TEAD4: variants seen among roughly 807,000 people sequenced by gnomAD.
TEAD4 encodes the protein TEA domain transcription factor 4.
In TEAD4, 36 loss-of-function variants were observed where a neutral mutation model predicts 52.4. The observed-to-expected ratio is 0.69, with a 90% CI of 0.53 to 0.91. The LOEUF (loss-of-function observed/expected upper bound fraction) is 0.91. Ranked by LOEUF, TEAD4 falls within the 40% of genes least tolerant of loss-of-function variation. The probability of loss-of-function intolerance (pLI) is 0.00; values close to 1 mark genes in which losing one functional copy is unlikely to be tolerated. For synonymous variants in TEAD4, 220 were observed against 231.0 expected (o/e 0.95, Z 0.43); for missense variants, 508 against 583.9 (o/e 0.87, Z 1.34).
intron 2 of TEAD4, among the ~76,000 whole-genome samples, chr12:2,990,495 G>T (rs1400987152): frequency 1.2e-5 from 1 of 86,578 alleles, no homozygotes; most frequent in Non-Finnish European, 1.9e-5. Context: ...TTTTGAGATG[G>T]AGTCTCTGTT....
Position 3,019,140 on chromosome 12 carries a change from T to G in TEAD4, c.553T>G (p.Tyr185Asp), listed in dbSNP as rs754439456. Residue 185 changes from tyrosine (Y) to aspartate (D), a missense_variant, in exon 8 of 13, where the codon TAT becomes GAT. By Grantham distance (160) the Tyr-to-Asp change is radical (BLOSUM62 -3). Coordinates refer to ENST00000359864, the MANE Select transcript of TEAD4 (RefSeq NM_003213.4). Reference sequence around the variant, plus strand: ...TGTGAAGCCTTTCTCTCAGCAAACCTATGCTGTCCAGCCTCCGCTGCCTCT... The same window carrying G: ...TGTGAAGCCTTTCTCTCAGCAAACCGATGCTGTCCAGCCTCCGCTGCCTCT... The G allele has an allele frequency of 6.2e-7, 1 of 1,614,058 alleles. No individual in the cohort carries two copies. Among genetic ancestry groups the G allele is most frequent in the East Asian group, 2.2e-5 (1 of 44,874 alleles).
intron 10 of TEAD4, among the ~76,000 whole-genome samples, chr12:3,024,297 C>T (rs185883262): frequency 3.3e-5 from 5 of 152,132 alleles, no homozygotes; most frequent in East Asian, 3.9e-4. Flanking sequence ...AGGATGGTCT[C>T]GATCTCCTGA....
chr12:2,964,694 A>T (rs1188550390), intron 2 of TEAD4, among the ~76,000 whole-genome samples: 1 of 149,748 alleles, frequency 6.7e-6, no homozygotes, highest in Admixed American at 6.7e-5. Flanking sequence ...CTGGTCTCGA[A>T]CTCCCAACCT....
Position 2,959,448 on chromosome 12 carries a change from G to A in TEAD4, c.-156G>A, listed in dbSNP as rs547262712. On this transcript the variant is annotated 5_prime_UTR_variant, in exon 1 of 13. Coordinates refer to ENST00000359864, the MANE Select transcript of TEAD4 (RefSeq NM_003213.4). The surrounding 1 kb of genome is among the most constrained non-coding windows in gnomAD (Gnocchi z 5.1). ...GCACACTCGAGGCCAGGGGGCGGGA[G>A]GGCCGCAGCTCCGGCGCCGCCGCGT... is the stretch of plus-strand genomic sequence containing the variant. 127 of 146,884 alleles carry A rather than the reference G, an allele frequency of 8.6e-4. 1 individual carries two copies. The South Asian group carries it at 0.024, about 28-fold the overall frequency. The allele number at this position is 146,884 out of a possible 1,614,324, so 9.1% of individuals were successfully genotyped here.
intron 10 of TEAD4, among the ~76,000 whole-genome samples, chr12:3,032,041 A>G (rs74054840): frequency 0.031 from 4,715 of 152,290 alleles, 94 homozygotes; most frequent in African/African-American, 0.044. Context: ...TGTGCAGTCA[A>G]TGTAGAGCCA....
At chr12:3,028,003 C>T (rs1163464387) in intron 10 of TEAD4, among the ~76,000 whole-genome samples, 5 of 152,146 alleles carry the variant, frequency 3.3e-5, no homozygotes, top group Admixed American at 1.3e-4. Flanking sequence ...CCCACTCCTA[C>T]CCCCCAGCCC....
In TEAD4 at chr12:2,994,333, C is replaced by T. The variant is rs1438391500; in HGVS notation, c.-29-405C>T. Among the ~76,000 whole-genome samples the T allele has an allele frequency of 6.6e-6, 1 of 152,218 alleles. No homozygotes were observed. The highest frequency in any genetic ancestry group is 1.5e-5 in the Non-Finnish European group (1 of 68,046). Reference sequence around the variant, plus strand: ...TCAAGTGATCTGCCTGCCTCAGCCTCCCAGAGTGCTGGGATTACAGGCGTG... The same window carrying T: ...TCAAGTGATCTGCCTGCCTCAGCCTTCCAGAGTGCTGGGATTACAGGCGTG... On this transcript the variant is annotated intron_variant, in intron 2 of 12. Transcript: ENST00000359864. The surrounding 1 kb of genome is among the most constrained non-coding windows in gnomAD (Gnocchi z 4.7).
At chr12:3,001,781 A>T (rs933303122) in intron 3 of TEAD4, among the ~76,000 whole-genome samples, 1 of 150,432 alleles carries the variant, frequency 6.6e-6, no homozygotes, top group Admixed American at 6.6e-5. Flanking sequence ...TGTCTCAAAA[A>T]AAAAAAAAAG....
chr12:2,982,373 C>G (rs1425837460), intron 2 of TEAD4, among the ~76,000 whole-genome samples: 1 of 152,188 alleles, frequency 6.6e-6, no homozygotes, highest in Non-Finnish European at 1.5e-5. Context: ...AGAGTAGAGG[C>G]TCCTGGGCTG....
At chr12:2,960,822 TC>T (rs2098214661) in intron 2 of TEAD4, among the ~76,000 whole-genome samples, 1 of 152,190 alleles carries the variant, frequency 6.6e-6, no homozygotes, top group African/African-American at 2.4e-5. Context: ...CTGTTCTTCC[TC>T]CCTACATAGC....
intron 10 of TEAD4, among the ~76,000 whole-genome samples, chr12:3,033,981 G>T (rs1591600702): frequency 6.6e-6 from 1 of 151,406 alleles, no homozygotes; most frequent in East Asian, 1.9e-4. Context: ...TCGCCGGCTG[G>T]TGTGTTCCGG....
At chr12:2,969,673 G>A (rs2098223507) in intron 2 of TEAD4, among the ~76,000 whole-genome samples, 1 of 152,236 alleles carries the variant, frequency 6.6e-6, no homozygotes, top group Admixed American at 6.5e-5. Flanking sequence ...TGGAGTTGGA[G>A]GCAAGGCTTG....
At chr12:3,004,987 C>T (rs886898889) in intron 3 of TEAD4, among the ~76,000 whole-genome samples, 6 of 152,172 alleles carry the variant, frequency 3.9e-5, no homozygotes, top group African/African-American at 1.4e-4. Context: ...ACCAGCACAA[C>T]GAGGCTGGAG....
Position 2,959,490 on chromosome 12 carries a change from C to A in TEAD4, c.-123+9C>A, listed in dbSNP as rs1184599758. 6.8e-6 allele frequency: 1 copy of A among 147,290 alleles called. No individual in the cohort carries two copies. Among genetic ancestry groups the A allele is most frequent in the Non-Finnish European group, 1.5e-5 (1 of 65,926 alleles). The allele number at this position is 147,290 out of a possible 1,614,324, so 9.1% of individuals were successfully genotyped here. On this transcript the variant is annotated intron_variant, in intron 1 of 12. Coordinates refer to ENST00000359864, the MANE Select transcript of TEAD4 (RefSeq NM_003213.4). This position sits in a 1 kb window ranked among gnomAD's most constrained non-coding sequence, Gnocchi z 5.1. ...CCGCCGCGTCCCGCCAGGTGAGAGGCGCCCGCGCCCGCCGCACCCGCCGGC... is the reference window on the plus strand; with the variant it reads ...CCGCCGCGTCCCGCCAGGTGAGAGGAGCCCGCGCCCGCCGCACCCGCCGGC...
chr12:3,020,819 C>G, intron 9 of TEAD4, 46 bp downstream of exon 9: 1 of 1,494,232 alleles, frequency 6.7e-7, no homozygotes, highest in East Asian at 2.6e-5. Context: ...CACCCCCTCT[C>G]CCTCTGTTTC....
At position 2,994,706 on chromosome 12, in the gene TEAD4, G is replaced by A; in HGVS notation, c.-29-32G>A. 1 of 1,527,720 alleles carries A rather than the reference G, an allele frequency of 6.5e-7. No individual in the cohort carries two copies. Among genetic ancestry groups the A allele is most frequent in the Non-Finnish European group, 8.8e-7 (1 of 1,139,958 alleles). 94.6% of individuals were successfully genotyped at this position (1,527,720 alleles called of 1,614,324 possible). ...CCGTGGCCCACGCAGTTCTTCCACT[G>A]CTCACCGGGGCTGTGGTTCCTGTCC... is the stretch of plus-strand genomic sequence containing the variant. On this transcript the variant is annotated intron_variant, in intron 2 of 12. Transcript: ENST00000359864. The surrounding 1 kb of genome is among the most constrained non-coding windows in gnomAD (Gnocchi z 4.7).
intron 5 of TEAD4, among the ~76,000 whole-genome samples, chr12:3,015,307 G>A (rs1049746395): frequency 1.3e-5 from 2 of 152,144 alleles, no homozygotes; most frequent in African/African-American, 4.8e-5. Flanking sequence ...ACCACTCTCA[G>A]CACCCTAGTC....
chr12:2,970,090 A>G (rs1477106993), intron 2 of TEAD4, among the ~76,000 whole-genome samples: 3 of 152,200 alleles, frequency 2.0e-5, no homozygotes. Context: ...CTTAACTGGT[A>G]AAATGCATTG....
chr12:3,019,274 T>G (rs563993214), intron 8 of TEAD4, 104 bp downstream of exon 8: 194 of 1,281,168 alleles, frequency 1.5e-4, no homozygotes, highest in Admixed American at 2.3e-4. Flanking sequence ...TGTTAGATGC[T>G]GCCCCGTCAT....
Sources: allele counts gnomAD v4.1 joint callset (sites outside exome capture counted in the v4.1 genomes callset), GRCh38; gene constraint gnomAD v4.1.1; non-coding constraint Gnocchi (gnomAD v3.1); transcripts MANE v1.5; gene names NCBI Gene and HGNC (gene_info 2026-07-23, HGNC 2026-07-21).